Variants in FRMPD1 observed in about 807,000 individuals in gnomAD.
The protein encoded by FRMPD1 is FERM and PDZ domain-containing protein 1.
FRMPD1 carries 76 observed loss-of-function variants against 117.8 expected under a neutral mutation model. The ratio of observed to expected loss-of-function variants is 0.65; its 90% CI spans 0.54 to 0.78. FRMPD1 has a LOEUF of 0.78. Ranked by LOEUF, FRMPD1 falls within the 30% of genes least tolerant of loss-of-function variation. FRMPD1 has a pLI of 0.00. For missense variants in FRMPD1, 1,786 were observed against 1,964.5 expected, an observed-to-expected ratio of 0.91 and a Z score of 1.72; for synonymous variants, 783 against 770.4, an observed-to-expected ratio of 1.02 and a Z score of -0.27.
the FRMPD1 span, among the ~76,000 whole-genome samples, chr9:37,619,060 G>A: frequency 1.3e-5 from 2 of 152,196 alleles, no homozygotes; most frequent in Non-Finnish European, 2.9e-5. Context: ...TGAATGGAAT[G>A]GAGGAGATAA....
intron 1 of FRMPD1, among the ~76,000 whole-genome samples, chr9:37,662,608 T>C (rs1278104609): frequency 6.6e-6 from 1 of 152,158 alleles, no homozygotes; most frequent in Non-Finnish European, 1.5e-5. Flanking sequence ...GGAGGAGCTA[T>C]CTAGAAATGT....
chr9:37,655,813 T>G (rs936996191), intron 1 of FRMPD1, among the ~76,000 whole-genome samples: 9 of 152,050 alleles, frequency 5.9e-5, no homozygotes, highest in African/African-American at 2.2e-4. Context: ...TCCCAACTCT[T>G]AATCCCCCTA....
rs77132300 is a variant in FRMPD1, at chr9:37,724,458, G to A, written c.612+138G>A. ...GAGCCCCTGTAATAATAAGCCAGGT[G>A]CCATGTTATCTCATTTCGTTGCACG... On this transcript the variant is annotated intron_variant, in intron 7 of 15. Coordinates refer to ENST00000377765, the MANE Select transcript of FRMPD1 (RefSeq NM_014907.3). The A allele has an allele frequency of 4.0e-3, 2,221 of 560,212 alleles. 38 individuals are homozygous for A. The highest frequency in any genetic ancestry group is 0.036 in the African/African-American group (1,908 of 53,564). The allele number at this position is 560,212 out of a possible 1,614,324, so 34.7% of individuals were successfully genotyped here.
chr9:37,641,377 C>T, the FRMPD1 span, among the ~76,000 whole-genome samples: 1 of 152,090 alleles, frequency 6.6e-6, no homozygotes, highest in Non-Finnish European at 1.5e-5. Flanking sequence ...CCTGCAACAC[C>T]CCAGAGCCTG....
chr9:37,625,292 G>GTA, the FRMPD1 span, among the ~76,000 whole-genome samples: 4 of 152,198 alleles, frequency 2.6e-5, no homozygotes, highest in African/African-American at 9.6e-5. Context: ...TTCTTGGTCT[G>GTA]ATCCTCAGGG....
chr9:37,611,181 G>T, the FRMPD1 span, among the ~76,000 whole-genome samples: 1 of 152,156 alleles, frequency 6.6e-6, no homozygotes, highest in African/African-American at 2.4e-5. Flanking sequence ...TTGTAATTTT[G>T]ATAGATATTG....
intron 6 of FRMPD1, among the ~76,000 whole-genome samples, chr9:37,720,839 A>G (rs1166803047): frequency 6.6e-6 from 1 of 152,260 alleles, no homozygotes; most frequent in Non-Finnish European, 1.5e-5. Flanking sequence ...GTGAGCCGAG[A>G]TTGCGCCACT....
chr9:37,650,032 G>T (rs1820617418), upstream of FRMPD1, among the ~76,000 whole-genome samples: 2 of 152,156 alleles, frequency 1.3e-5, no homozygotes, highest in African/African-American at 4.8e-5. Flanking sequence ...GGTGCCCTTG[G>T]CCCCGTGGGA....
upstream of FRMPD1, among the ~76,000 whole-genome samples, chr9:37,649,139 A>G (rs1455948615): frequency 6.6e-6 from 1 of 152,212 alleles, no homozygotes; most frequent in Non-Finnish European, 1.5e-5. Flanking sequence ...ACCGGACAAG[A>G]GAATAGTTCT....
intron 5 of FRMPD1, among the ~76,000 whole-genome samples, chr9:37,712,331 A>G (rs549951700): frequency 3.3e-5 from 5 of 152,336 alleles, no homozygotes; most frequent in African/African-American, 1.2e-4. Flanking sequence ...ACTATTTAGA[A>G]AATAATTGAA....
chr9:37,719,692 C>T (rs1216539117), intron 6 of FRMPD1, among the ~76,000 whole-genome samples: 1 of 152,186 alleles, frequency 6.6e-6, no homozygotes, highest in Admixed American at 6.5e-5. Context: ...GATTAAGAGA[C>T]TTAACCTCTA....
chr9:37,717,369 G>GTGTATA (rs1407798527), intron 5 of FRMPD1, among the ~76,000 whole-genome samples: 4 of 94,134 alleles, frequency 4.2e-5, no homozygotes, highest in African/African-American at 1.7e-4. Context: ...GTGTGTGTGT[G>GTGTATA]TATATATATA....
chr9:37,693,102 T>A, intron 2 of FRMPD1: 1 of 223,654 alleles, frequency 4.5e-6, no homozygotes, highest in South Asian at 9.3e-5. Context: ...GATCTCTCTC[T>A]GACACACACA....
intron 6 of FRMPD1, among the ~76,000 whole-genome samples, chr9:37,723,718 C>A (rs1248328942): frequency 6.6e-6 from 1 of 152,088 alleles, no homozygotes; most frequent in Non-Finnish European, 1.5e-5. Flanking sequence ...TTAGGCTGGG[C>A]ACAGTGGCTT....
At chr9:37,723,785 G>T (rs1823498722) in intron 6 of FRMPD1, among the ~76,000 whole-genome samples, 1 of 152,056 alleles carries the variant, frequency 6.6e-6, no homozygotes, top group African/African-American at 2.4e-5. Context: ...CTGAGGTCAG[G>T]AGTTCAAGAC....
intron 5 of FRMPD1, 35 bp downstream of exon 5, chr9:37,711,430 A>G (rs1233455426): frequency 1.3e-6 from 2 of 1,518,380 alleles, no homozygotes; most frequent in Non-Finnish European, 1.8e-6. Flanking sequence ...TGTTAGTTTC[A>G]CCATTCTTGG....
At chr9:37,609,656 C>A in the FRMPD1 span, among the ~76,000 whole-genome samples, 5 of 152,190 alleles carry the variant, frequency 3.3e-5, no homozygotes, top group East Asian at 7.7e-4. Context: ...GTCTGTTCAT[C>A]ATGGTAGCTA....
Position 37,692,747 on chromosome 9 carries a change from G to A in FRMPD1, c.101+5G>A, listed in dbSNP as rs763802316. On this transcript the variant is annotated splice_donor_5th_base_variant and intron_variant, in intron 2 of 15. Coordinates refer to ENST00000377765, the MANE Select transcript of FRMPD1 (RefSeq NM_014907.3). ...CTCCCGGGACAGCTCGGCCCGGTAA[G>A]CCTCCTGAGTTTGCAGATTTCTGTC... 1.9e-6 allele frequency: 3 copies of A among 1,605,596 alleles called. No individual in the cohort carries two copies. The Admixed American group carries it at 5.0e-5, about 27-fold the overall frequency.
chr9:37,633,843 A>C, the FRMPD1 span, among the ~76,000 whole-genome samples: 1 of 152,256 alleles, frequency 6.6e-6, no homozygotes, highest in Admixed American at 6.5e-5. Flanking sequence ...CCTGAGTGAC[A>C]GAGTGAGACC....
Sources: allele counts gnomAD v4.1 joint callset (sites outside exome capture counted in the v4.1 genomes callset), GRCh38; gene constraint gnomAD v4.1.1; transcripts MANE v1.5; gene names NCBI Gene and HGNC (gene_info 2026-07-23, HGNC 2026-07-21).